CCDC88A: variants seen among roughly 807,000 people sequenced by gnomAD.
CCDC88A encodes the protein girdin.
In CCDC88A, 54 loss-of-function variants were observed where a neutral mutation model predicts 234.3. That is an observed-to-expected ratio of 0.23 (90% CI 0.19 to 0.29). The LOEUF (loss-of-function observed/expected upper bound fraction) is 0.29. Among genes scored for constraint, CCDC88A ranks in the 10% least tolerant of loss-of-function variants. The probability of loss-of-function intolerance (pLI) is 1.00; values close to 1 mark genes in which losing one functional copy is unlikely to be tolerated. For missense variants in CCDC88A, 1,832 were observed against 2,123.4 expected (o/e 0.86, Z 2.70); for synonymous variants, 753 against 737.8 (o/e 1.02, Z -0.33).
At position 55,295,295 on chromosome 2, in the gene CCDC88A, A is replaced by G. The variant is rs560427543; in HGVS notation, c.5551+302T>C. 8.4e-6 allele frequency: 12 copies of G among 1,420,670 alleles called. No individual in the cohort carries two copies. In the South Asian group the frequency reaches 1.2e-4, roughly 14 times the overall value. 88.0% of individuals were successfully genotyped at this position (1,420,670 alleles called of 1,614,324 possible). A position where few individuals can be genotyped will look rare whatever the true frequency, so the allele number is the denominator to read the frequency against. ...GGTCAGTTATTCTGATAACTGGCCTAGGAGGTAACCCACTTATGTTACTAA... is the reference window on the plus strand; with the variant it reads ...GGTCAGTTATTCTGATAACTGGCCTGGGAGGTAACCCACTTATGTTACTAA... On this transcript the variant is annotated intron_variant, in intron 31 of 32. Coordinates refer to ENST00000436346, the MANE Select transcript of CCDC88A (RefSeq NM_001365480.1).
intron 25 of CCDC88A, among the ~76,000 whole-genome samples, chr2:55,305,003 A>G (rs1210659004): frequency 6.6e-6 from 1 of 152,226 alleles, no homozygotes; most frequent in Non-Finnish European, 1.5e-5. Context: ...TGCTATTAGG[A>G]GCAGTCATAA....
intron 7 of CCDC88A, among the ~76,000 whole-genome samples, chr2:55,361,544 G>A (rs1361397439): frequency 6.6e-6 from 1 of 152,152 alleles, no homozygotes; most frequent in Non-Finnish European, 1.5e-5. Context: ...TTTTCTCTAT[G>A]TAGTCTTTCA....
chr2:55,357,102 C>T lies in CCDC88A; in HGVS notation c.628-1351G>A, dbSNP rs184543389. 2.9e-3 allele frequency among the ~76,000 whole-genome samples: 438 copies of T among 152,218 alleles called. 1 individual carries two copies. Among genetic ancestry groups the T allele is most frequent in the Non-Finnish European group, 4.9e-3 (334 of 68,006 alleles). ...AACAACGGTTCTTGGAGGGTCCTAACAATACCTCAAAGGTTTAGCTCAATC... is the reference window on the plus strand; with the variant it reads ...AACAACGGTTCTTGGAGGGTCCTAATAATACCTCAAAGGTTTAGCTCAATC... On this transcript the variant is annotated intron_variant, in intron 7 of 32. Transcript: ENST00000436346.
chr2:55,310,639 G>C (rs1682232311), intron 23 of CCDC88A, among the ~76,000 whole-genome samples: 1 of 152,246 alleles, frequency 6.6e-6, no homozygotes. Flanking sequence ...TAGTCTATTT[G>C]AGAGGGAAGG....
chr2:55,332,224 T>G lies in CCDC88A; in HGVS notation c.2855+342A>C, dbSNP rs13404740. 0.07 allele frequency: 10,820 copies of G among 155,444 alleles called. 1,217 individuals carry two copies. The highest frequency in any genetic ancestry group is 0.24 in the African/African-American group (9,814 of 41,496). 9.6% of individuals were successfully genotyped at this position (155,444 alleles called of 1,614,324 possible). A position where few individuals can be genotyped will look rare whatever the true frequency, so the allele number is the denominator to read the frequency against. On this transcript the variant is annotated intron_variant, in intron 16 of 32. Transcript: ENST00000436346. This position sits in a 1 kb window ranked among gnomAD's most constrained non-coding sequence, Gnocchi z 4.5. The stretch of plus-strand genomic sequence containing the variant: ...ACCTCAGCCTCCCAAGTTCAAGCAA[T>G]TCTCCTGCCTCAGCGTCCTGAGTAG...
At chr2:55,313,657 C>T (rs185438569) in intron 22 of CCDC88A, 1 of 151,304 alleles carries the variant, frequency 6.6e-6, no homozygotes, top group African/African-American at 2.5e-5. Flanking sequence ...ATTCAGGTCT[C>T]GAGTAGAGCC....
chr2:55,332,709 A>G lies in CCDC88A; in HGVS notation c.2728-16T>C. The G allele has an allele frequency of 1.9e-6, 3 of 1,611,892 alleles. No homozygotes were observed. Among genetic ancestry groups the G allele is most frequent in the Non-Finnish European group, 2.5e-6 (3 of 1,178,894 alleles). ...TCACCAAATCCTTATTTTAAAAGAA[A>G]TGCAAAACTCACCTAAGTGTCAAGG... On this transcript the variant is annotated splice_polypyrimidine_tract_variant and intron_variant, in intron 15 of 32. Coordinates refer to ENST00000436346, the MANE Select transcript of CCDC88A (RefSeq NM_001365480.1). This position sits in a 1 kb window ranked among gnomAD's most constrained non-coding sequence, Gnocchi z 4.5.
At chr2:55,302,987 G>T (rs184414679) in intron 26 of CCDC88A, 82 bp downstream of exon 26, 1 of 904,650 alleles carries the variant, frequency 1.1e-6, no homozygotes, top group Non-Finnish European at 1.8e-6. Context: ...AATTGGCACA[G>T]TCCAGAGAAA....
At chr2:55,401,097 C>T (rs1289619675) in intron 2 of CCDC88A, among the ~76,000 whole-genome samples, 3 of 151,700 alleles carry the variant, frequency 2.0e-5, no homozygotes, top group Non-Finnish European at 2.9e-5. Context: ...TTTTGCAGCA[C>T]TGGTCTGAGG....
At chr2:55,337,409 T>G (rs1458743190) in intron 13 of CCDC88A, 1 of 152,134 alleles carries the variant, frequency 6.6e-6, no homozygotes, top group African/African-American at 2.4e-5. Context: ...AATAGCAAAT[T>G]AAAGTTAAAA....
chr2:55,410,440 TAGATA>T (rs1558845995), intron 2 of CCDC88A, among the ~76,000 whole-genome samples: 3 of 152,216 alleles, frequency 2.0e-5, no homozygotes, highest in Admixed American at 1.3e-4. Flanking sequence ...GACTAGAATA[TAGATA>T]ATGATTTGTT....
Position 55,416,461 on chromosome 2 carries a change from T to C in CCDC88A, c.164+2355A>G, listed in dbSNP as rs1393653647. Among the ~76,000 whole-genome samples the C allele has an allele frequency of 4.9e-4, 43 of 88,596 alleles. 6 individuals are homozygous for C. The highest frequency in any genetic ancestry group is 5.9e-3 in the Middle Eastern group (1 of 170). The allele number at this position is 88,596 out of a possible 152,430, so 58.1% of individuals were successfully genotyped here. ...ATAAATAAATATATATATATATATA[T>C]ATATATATATATATATATATATATA... On this transcript the variant is annotated intron_variant, in intron 2 of 32. Coordinates refer to ENST00000436346, the MANE Select transcript of CCDC88A (RefSeq NM_001365480.1).
At chr2:55,326,292 A>T (rs1390794110) in intron 17 of CCDC88A, among the ~76,000 whole-genome samples, 1 of 152,024 alleles carries the variant, frequency 6.6e-6, no homozygotes. Flanking sequence ...TGCTGGGATT[A>T]CAGAGATAAG....
chr2:55,337,825 G>T (rs1214212235), intron 13 of CCDC88A: 1 of 152,034 alleles, frequency 6.6e-6, no homozygotes, highest in African/African-American at 2.4e-5. Flanking sequence ...GGGTGATATA[G>T]TGAGACCCTA....
chr2:55,342,606 G>C (rs1225833474), intron 12 of CCDC88A, among the ~76,000 whole-genome samples: 1 of 152,022 alleles, frequency 6.6e-6, no homozygotes, highest in African/African-American at 2.4e-5. Context: ...AATTTTTAAA[G>C]TTTCACAAAT....
At chr2:55,411,361 T>C (rs1329783124) in intron 2 of CCDC88A, among the ~76,000 whole-genome samples, 1 of 152,212 alleles carries the variant, frequency 6.6e-6, no homozygotes, top group Non-Finnish European at 1.5e-5. Flanking sequence ...CTAGTTCACC[T>C]GTTCTTCTCT....
intron 2 of CCDC88A, among the ~76,000 whole-genome samples, chr2:55,416,248 AAG>A (rs1681362626): frequency 6.6e-6 from 1 of 151,538 alleles, no homozygotes; most frequent in Non-Finnish European, 1.5e-5. Flanking sequence ...GGGTGGGATT[AAG>A]AGCAGACTAA....
intron 2 of CCDC88A, among the ~76,000 whole-genome samples, chr2:55,412,187 C>T (rs1167930337): frequency 6.6e-6 from 1 of 152,104 alleles, no homozygotes; most frequent in African/African-American, 2.4e-5. Context: ...AGGTTAGGTG[C>T]TAGTAATATG....
Position 55,369,449 on chromosome 2 carries a change from C to CT in CCDC88A, c.402+3002dup, listed in dbSNP as rs10587591. ...CCATGAATCCTACGTTTCAACCACA[C>CT]TTTTTTTTTTTTTTTTTTTTGAGAT... is the stretch of plus-strand genomic sequence containing the variant. On this transcript the variant is annotated intron_variant, in intron 5 of 32. Coordinates refer to ENST00000436346, the MANE Select transcript of CCDC88A (RefSeq NM_001365480.1). 3.8e-3 allele frequency among the ~76,000 whole-genome samples: 482 copies of CT among 125,410 alleles called. 5 individuals are homozygous for CT. The highest frequency in any genetic ancestry group is 6.0e-3 in the Non-Finnish European group (366 of 60,632). The allele number at this position is 125,410 out of a possible 152,430, so 82.3% of individuals were successfully genotyped here. A position where few individuals can be genotyped will look rare whatever the true frequency, so the allele number is the denominator to read the frequency against.
Sources: allele counts gnomAD v4.1 joint callset (sites outside exome capture counted in the v4.1 genomes callset), GRCh38; gene constraint gnomAD v4.1.1; non-coding constraint Gnocchi (gnomAD v3.1); transcripts MANE v1.5; gene names NCBI Gene and HGNC (gene_info 2026-07-23, HGNC 2026-07-21).